CD36: variants seen among roughly 807,000 people sequenced by gnomAD.
The protein encoded by CD36 is CD36 molecule (CD36 blood group), also known as platelet glycoprotein 4.
CD36 carries 119 observed loss-of-function variants against 55.2 expected under a neutral mutation model. That is an observed-to-expected ratio of 2.15 (90% CI 1.86 to 2.51). The LOEUF is 2.51. Among genes scored for constraint, CD36 ranks in the 30% most tolerant of loss-of-function variants. The probability of loss-of-function intolerance (pLI) is 0.00; values close to 1 mark genes in which losing one functional copy is unlikely to be tolerated. For missense variants in CD36, 819 were observed against 555.5 expected (o/e 1.47, Z -4.77); for synonymous variants, 186 against 193.6 (o/e 0.96, Z 0.33).
intron 4 of CD36, among the ~76,000 whole-genome samples, chr7:80,659,267 TC>T (rs1280251521): frequency 1.3e-5 from 2 of 152,148 alleles, no homozygotes; most frequent in Non-Finnish European, 2.9e-5. Flanking sequence ...AGAATGTCCC[TC>T]CTCAAACAGA....
At chr7:80,630,328 T>G (rs1794004184) in intron 1 of CD36, among the ~76,000 whole-genome samples, 2 of 152,026 alleles carry the variant, frequency 1.3e-5, no homozygotes, top group Admixed American at 1.3e-4. Context: ...AATTTAGAGA[T>G]ATTTGTGTTT....
At chr7:80,609,998 A>C (rs1792787377) in intron 1 of CD36, among the ~76,000 whole-genome samples, 1 of 152,134 alleles carries the variant, frequency 6.6e-6, no homozygotes, top group South Asian at 2.1e-4. Flanking sequence ...GGGTGAGCCA[A>C]GCTGTGGGTC....
At chr7:80,664,852 T>TA (rs11464530) in intron 7 of CD36, among the ~76,000 whole-genome samples, 107,286 of 144,174 alleles carry the variant, frequency 0.74, 43,120 homozygotes, top group Non-Finnish European at 0.9. Flanking sequence ...AATGAAAAGG[T>TA]AAAAAAAAAA....
intron 1 of CD36, among the ~76,000 whole-genome samples, chr7:80,644,049 G>A (rs1454154265): frequency 6.6e-6 from 1 of 152,134 alleles, no homozygotes; most frequent in Non-Finnish European, 1.5e-5. Context: ...TACTGTGGTT[G>A]CTTAAAAGAT....
chr7:80,673,670 T>A (rs1797952707), intron 13 of CD36: 1 of 560,952 alleles, frequency 1.8e-6, no homozygotes, highest in Non-Finnish European at 3.2e-6. Flanking sequence ...GACAAGGTAT[T>A]TTTACTATAA....
intron 14 of CD36, chr7:80,674,459 AT>A: frequency 3.4e-6 from 1 of 293,938 alleles, no homozygotes; most frequent in Non-Finnish European, 6.5e-6. Flanking sequence ...CTAGTTATAT[AT>A]TATCTGATAC....
chr7:80,656,198 C>T lies in CD36; in HGVS notation c.121-342C>T, dbSNP rs141805735. ...ACTCAGTAAGAACTTTTTTGAACTT[C>T]GGTAAAATTTGCTTAATAAATTATG... On this transcript the variant is annotated intron_variant, in intron 3 of 14. Coordinates refer to ENST00000447544, the MANE Select transcript of CD36 (RefSeq NM_001001548.3). Among the ~76,000 whole-genome samples, 189 of 152,122 alleles carry T rather than the reference C, an allele frequency of 1.2e-3. 1 individual carries two copies. The highest frequency in any genetic ancestry group is 4.3e-3 in the African/African-American group (177 of 41,540).
chr7:80,656,396 T>C (rs1796068002), intron 3 of CD36, 144 bp from the exon 4 acceptor site: 1 of 664,842 alleles, frequency 1.5e-6, no homozygotes, highest in East Asian at 2.8e-5. Flanking sequence ...GCTGCAAGTG[T>C]ATGGTAAGGT....
At chr7:80,641,606 T>C (rs1562787574) in intron 1 of CD36, among the ~76,000 whole-genome samples, 1 of 152,008 alleles carries the variant, frequency 6.6e-6, no homozygotes, top group Non-Finnish European at 1.5e-5. Flanking sequence ...TAAGAAAATG[T>C]CATTTAGGTC....
chr7:80,672,733 T>A (rs1458475910), intron 11 of CD36, 37 bp from the exon 12 acceptor site: 2 of 1,405,858 alleles, frequency 1.4e-6, no homozygotes, highest in Non-Finnish European at 2.0e-6. Flanking sequence ...AATAATGTTT[T>A]TAAAAGTTGG....
At position 80,672,370 on chromosome 7, in the gene CD36, T is replaced by C. The variant is rs3807076; in HGVS notation, c.1125+330T>C. 9.3e-3 allele frequency among the ~76,000 whole-genome samples: 1,415 copies of C among 152,008 alleles called. 32 individuals are homozygous for C. In the East Asian group the frequency reaches 0.098, roughly 10 times the overall value. ...CAACAGTTTTAATCATCTTTATTTT[T>C]GTATTTTCCTTTTCAAAAAGTAAAT... On this transcript the variant is annotated intron_variant, in intron 11 of 14. Transcript: ENST00000447544.
intron 1 of CD36, among the ~76,000 whole-genome samples, chr7:80,630,578 G>A (rs1034238540): frequency 9.2e-5 from 14 of 152,002 alleles, no homozygotes; most frequent in Admixed American, 6.6e-4. Flanking sequence ...GGAAGTACTT[G>A]ATGCTTTTAA....
chr7:80,663,045 T>C lies in CD36; in HGVS notation c.485T>C (p.Ile162Thr). 22 of 1,613,514 alleles carry C rather than the reference T, an allele frequency of 1.4e-5. No individual in the cohort carries two copies. Among genetic ancestry groups the C allele is most frequent in the Non-Finnish European group, 1.9e-5 (22 of 1,179,556 alleles). Residue 162 changes from isoleucine (I) to threonine (T), a missense_variant, in exon 6 of 15, where the codon ATT (isoleucine) becomes ACT (threonine). Ile to Thr is a moderately conservative substitution (Grantham distance 89). Coordinates refer to ENST00000447544, the MANE Select transcript of CD36 (RefSeq NM_001001548.3). ...GTTCAAATGATCCTCAATTCACTTA[T>C]TAACAAGTCAAAATCTTCTATGTTC... is the stretch of plus-strand genomic sequence containing the variant. ...QFVQMILNSL[I>T]NKSKSSMFQV...
At chr7:80,669,885 A>G (rs1442768698) in intron 8 of CD36, 68 bp from the exon 9 acceptor site, 4 of 1,012,920 alleles carry the variant, frequency 3.9e-6, no homozygotes, top group Non-Finnish European at 4.7e-6. Context: ...ACACTGGAGG[A>G]GAGATTTCTA....
chr7:80,661,238 A>G (rs368027204), intron 5 of CD36, 28 bp downstream of exon 5: 2 of 1,597,082 alleles, frequency 1.3e-6, no homozygotes, highest in Non-Finnish European at 1.7e-6. Flanking sequence ...AAAGTTATCT[A>G]TTTTAAAATA....
chr7:80,616,421 CT>C (rs1793156361), intron 1 of CD36, among the ~76,000 whole-genome samples: 1 of 145,434 alleles, frequency 6.9e-6, no homozygotes, highest in Non-Finnish European at 1.5e-5. Flanking sequence ...TGGGGACCAT[CT>C]GTGTGTGTGT....
At chr7:80,659,674 ATGT>A (rs3211882) in intron 4 of CD36, among the ~76,000 whole-genome samples, 44,098 of 151,820 alleles carry the variant, frequency 0.29, 7,038 homozygotes, top group South Asian at 0.44. Flanking sequence ...TACTGGTATA[ATGT>A]TGTCAGTACA....
At chr7:80,644,319 C>G (rs191459490) in intron 1 of CD36, among the ~76,000 whole-genome samples, 29 of 152,244 alleles carry the variant, frequency 1.9e-4, no homozygotes, top group African/African-American at 6.7e-4. Context: ...AAAAACAAAT[C>G]ACTTGTTTAG....
intron 3 of CD36, among the ~76,000 whole-genome samples, chr7:80,650,381 C>A (rs1412011677): frequency 6.6e-6 from 1 of 152,068 alleles, no homozygotes; most frequent in African/African-American, 2.4e-5. Flanking sequence ...AGTTTACAGA[C>A]TATTTTTTAA....
Sources: allele counts gnomAD v4.1 joint callset (sites outside exome capture counted in the v4.1 genomes callset), GRCh38; gene constraint gnomAD v4.1.1; transcripts MANE v1.5; gene names NCBI Gene and HGNC (gene_info 2026-07-23, HGNC 2026-07-21).